The following PEX7 variants were observed in gnomAD, a reference collection of about 807,000 sequenced individuals.
The protein encoded by PEX7 is PTS2 receptor.
PEX7 carries 34 observed loss-of-function variants against 47.5 expected under a neutral mutation model. The observed-to-expected ratio is 0.72, with a 90% CI of 0.54 to 0.95. The LOEUF (loss-of-function observed/expected upper bound fraction) is 0.95. Ranked by LOEUF, PEX7 falls within the 40% of genes least tolerant of loss-of-function variation. The pLI is 0.00. For missense variants in PEX7, 394 were observed against 400.3 expected (o/e 0.98, Z 0.13); for synonymous variants, 141 against 148.8 (o/e 0.95, Z 0.38).
intron 5 of PEX7, among the ~76,000 whole-genome samples, chr6:136,855,379 C>T (rs1273564722): frequency 1.3e-5 from 2 of 149,540 alleles, no homozygotes; most frequent in African/African-American, 2.5e-5. Flanking sequence ...AGTCTCTGTC[C>T]CCCAGGCTGG....
chr6:136,908,579 T>C (rs1775881420), intron 9 of PEX7, among the ~76,000 whole-genome samples: 1 of 152,134 alleles, frequency 6.6e-6, no homozygotes, highest in Non-Finnish European at 1.5e-5. Context: ...GAATACATTT[T>C]CCACTTGTGT....
chr6:136,911,908 G>A (rs1405692923), intron 9 of PEX7, among the ~76,000 whole-genome samples: 1 of 152,124 alleles, frequency 6.6e-6, no homozygotes, highest in Non-Finnish European at 1.5e-5. Context: ...TTCCCTACCA[G>A]CAATGTATGT....
intron 3 of PEX7, among the ~76,000 whole-genome samples, chr6:136,829,222 C>G (rs1774250069): frequency 6.6e-6 from 1 of 152,300 alleles, no homozygotes; most frequent in Non-Finnish European, 1.5e-5. Context: ...GCTGCTGTAA[C>G]AAAGTATTAT....
intron 8 of PEX7, among the ~76,000 whole-genome samples, chr6:136,894,373 C>T (rs1452238260): frequency 2.6e-5 from 4 of 152,026 alleles, no homozygotes; most frequent in Non-Finnish European, 4.4e-5. Flanking sequence ...GGGCAGATCA[C>T]GAGGTCAGGA....
At chr6:136,895,569 A>G (rs756693502) in intron 8 of PEX7, among the ~76,000 whole-genome samples, 63 of 152,270 alleles carry the variant, frequency 4.1e-4, no homozygotes, top group South Asian at 1.0e-3. Context: ...GGTTTTTACT[A>G]TAGTGTTCCT....
intron 3 of PEX7, among the ~76,000 whole-genome samples, chr6:136,840,296 C>A (rs369482396): frequency 6.6e-6 from 1 of 152,186 alleles, no homozygotes; most frequent in Non-Finnish European, 1.5e-5. Flanking sequence ...CTAGTCTTAT[C>A]GTTCTTCTCT....
intron 8 of PEX7, among the ~76,000 whole-genome samples, chr6:136,897,911 T>TA (rs1775679233): frequency 6.6e-6 from 1 of 152,018 alleles, no homozygotes; most frequent in South Asian, 2.1e-4. Flanking sequence ...TAGAATAATC[T>TA]TTTATAGGGT....
intron 1 of PEX7, 65 bp downstream of exon 1, chr6:136,822,860 A>G: frequency 4.2e-6 from 5 of 1,197,834 alleles, no homozygotes; most frequent in Non-Finnish European, 5.2e-6. Context: ...GCCGGGCTCC[A>G]GTTCCTCGCG....
chr6:136,866,572 T>C, intron 5 of PEX7, 55 bp from the exon 6 acceptor site: 1 of 1,399,974 alleles, frequency 7.1e-7, no homozygotes, highest in Non-Finnish European at 1.0e-6. Flanking sequence ...ACACATTATG[T>C]CACTGCACAT....
chr6:136,891,727 A>G (rs1461681432), intron 8 of PEX7, among the ~76,000 whole-genome samples: 1 of 149,038 alleles, frequency 6.7e-6, no homozygotes, highest in Non-Finnish European at 1.5e-5. Flanking sequence ...TGCAGCCTCT[A>G]CCTCCTGGGC....
Position 136,865,591 on chromosome 6 carries a change from G to A in PEX7, c.527-1036G>A, listed in dbSNP as rs961884931. Among the ~76,000 whole-genome samples, 32 of 152,098 alleles carry A rather than the reference G, an allele frequency of 2.1e-4. 1 individual carries two copies. The highest frequency in any genetic ancestry group is 8.5e-4 in the Admixed American group (13 of 15,268). ...AGGGATTACAGGCGTGAGCCACCAC[G>A]CCTGGCTAAAACTCCATCTCTACTA... On this transcript the variant is annotated intron_variant, in intron 5 of 9. Coordinates refer to ENST00000318471, the MANE Select transcript of PEX7 (RefSeq NM_000288.4).
chr6:136,869,875 C>T lies in PEX7; in HGVS notation c.634-15C>T. The stretch of plus-strand genomic sequence containing the variant: ...CAAAGATGTCACAGTTTATGTTTCT[C>T]TGAATTGTTTTTAGAATTTGCTGGT... On this transcript the variant is annotated splice_polypyrimidine_tract_variant and intron_variant, in intron 6 of 9. Transcript: ENST00000318471. 1 of 1,587,890 alleles carries T rather than the reference C, an allele frequency of 6.3e-7. No homozygotes were observed. Among genetic ancestry groups the T allele is most frequent in the Non-Finnish European group, 8.6e-7 (1 of 1,156,122 alleles).
chr6:136,846,451 A>G (rs1185844574), intron 5 of PEX7, among the ~76,000 whole-genome samples: 2 of 151,978 alleles, frequency 1.3e-5, no homozygotes, highest in African/African-American at 4.8e-5. Context: ...CCATTAACTC[A>G]TCATTTACAT....
chr6:136,888,870 G>A (rs1472365182), intron 8 of PEX7, among the ~76,000 whole-genome samples: 1 of 152,062 alleles, frequency 6.6e-6, no homozygotes, highest in Non-Finnish European at 1.5e-5. Context: ...AGTCCTGTTG[G>A]GATGAGAAAT....
chr6:136,901,326 AAAC>A (rs762088164), intron 9 of PEX7: 25 of 152,218 alleles, frequency 1.6e-4, no homozygotes, highest in Non-Finnish European at 3.2e-4. Flanking sequence ...TAGTGGCGTA[AAAC>A]AACAATTTTA....
chr6:136,826,207 T>G (rs982069539), intron 2 of PEX7, 112 bp from the exon 3 acceptor site: 1 of 1,211,990 alleles, frequency 8.3e-7, no homozygotes, highest in Non-Finnish European at 1.2e-6. Context: ...GATATACGTG[T>G]TAAAATGTGT....
In PEX7 at chr6:136,875,461, TA is replaced by T. The variant is rs527344572; in HGVS notation, c.803+3215del. On this transcript the variant is annotated intron_variant, in intron 8 of 9. Coordinates refer to ENST00000318471, the MANE Select transcript of PEX7 (RefSeq NM_000288.4). ...TTCCATATGAAAATGCCTTTTAACT[TA>T]AAAAAATTTGTTAATAATTTCTACT... 2.0e-3 allele frequency among the ~76,000 whole-genome samples: 298 copies of T among 152,304 alleles called. 2 individuals are homozygous for T. The highest frequency in any genetic ancestry group is 6.4e-3 in the African/African-American group (267 of 41,574).
chr6:136,912,433 C>A (rs1775948547), intron 9 of PEX7, among the ~76,000 whole-genome samples: 1 of 151,592 alleles, frequency 6.6e-6, no homozygotes, highest in South Asian at 2.1e-4. Flanking sequence ...TCACTTTTTT[C>A]CCTATGGATA....
chr6:136,822,635 G>C lies in PEX7; in HGVS notation c.-31G>C, dbSNP rs115866467. The C allele has an allele frequency of 1.3e-6, 2 of 1,519,744 alleles. No homozygotes were observed. The highest frequency in any genetic ancestry group is 1.8e-6 in the Non-Finnish European group (2 of 1,136,412). 94.1% of individuals were successfully genotyped at this position (1,519,744 alleles called of 1,614,324 possible). ...CCGACTCGGAACGGCTTCCGCGGCC[G>C]GGGCAGCGAGGGCCGGGGGCGGCGG... On this transcript the variant is annotated 5_prime_UTR_variant, in exon 1 of 10. Transcript: ENST00000318471.
Sources: allele counts gnomAD v4.1 joint callset (sites outside exome capture counted in the v4.1 genomes callset), GRCh38; gene constraint gnomAD v4.1.1; transcripts MANE v1.5; gene names NCBI Gene and HGNC (gene_info 2026-07-23, HGNC 2026-07-21).